ZNF385B: variants seen among roughly 807,000 people sequenced by gnomAD.
The protein encoded by ZNF385B is zinc finger protein 385B.
In ZNF385B, 23 loss-of-function variants were observed where a neutral mutation model predicts 39.2. The ratio of observed to expected loss-of-function variants is 0.59; its 90% CI spans 0.42 to 0.83. The LOEUF (loss-of-function observed/expected upper bound fraction) is 0.83, where lower values mean the gene tolerates loss of function less well. Among genes scored for constraint, ZNF385B ranks in the 40% least tolerant of loss-of-function variants. The pLI, the probability that ZNF385B is intolerant of heterozygous loss-of-function variation, is 0.00. For synonymous variants in ZNF385B, 205 were observed against 222.6 expected, an observed-to-expected ratio of 0.92 and a Z score of 0.70; for missense variants, 552 against 598.9, an observed-to-expected ratio of 0.92 and a Z score of 0.82.
intron 1 of ZNF385B, among the ~76,000 whole-genome samples, chr2:179,836,880 T>C (rs1708283708): frequency 6.6e-6 from 1 of 152,180 alleles, no homozygotes; most frequent in South Asian, 2.1e-4. Context: ...GGCCTTCCTG[T>C]CCTTGTAACA....
chr2:179,520,885 A>C (rs1358304604), intron 4 of ZNF385B, among the ~76,000 whole-genome samples: 1 of 152,216 alleles, frequency 6.6e-6, no homozygotes, highest in Non-Finnish European at 1.5e-5. Flanking sequence ...TTAAACAATA[A>C]ATCATAGAAA....
Position 179,605,913 on chromosome 2 carries a change from G to A in ZNF385B, c.299-60944C>T, listed in dbSNP as rs147034206. On this transcript the variant is annotated intron_variant, in intron 3 of 9. Transcript: ENST00000410066. Reference sequence around the variant, plus strand: ...TTTCACAGAGATAGTAACCTGAGACGTAAGAAATTTAAGGTGAACATTAAT... The same window carrying A: ...TTTCACAGAGATAGTAACCTGAGACATAAGAAATTTAAGGTGAACATTAAT... Among the ~76,000 whole-genome samples, 10 of 152,236 alleles carry A rather than the reference G, an allele frequency of 6.6e-5. No homozygotes were observed. The East Asian group carries it at 9.7e-4, about 15-fold the overall frequency.
In ZNF385B at chr2:179,658,413, T is replaced by C. The variant is rs189996873; in HGVS notation, c.298+111090A>G. On this transcript the variant is annotated intron_variant, in intron 3 of 9. Coordinates refer to ENST00000410066, the MANE Select transcript of ZNF385B (RefSeq NM_152520.6). ...CAGTGTTGCCAATATCACAGGATAA[T>C]GGAAGCCAAGAAGGCAGAAGTGGAT... is the stretch of plus-strand genomic sequence containing the variant. Among the ~76,000 whole-genome samples, 395 of 152,284 alleles carry C rather than the reference T, an allele frequency of 2.6e-3. 4 individuals carry two copies. Among genetic ancestry groups the C allele is most frequent in the African/African-American group, 9.2e-3 (381 of 41,562 alleles).
At chr2:179,514,045 AT>A (rs1449018403) in intron 5 of ZNF385B, 1 of 152,194 alleles carries the variant, frequency 6.6e-6, no homozygotes, top group Admixed American at 6.6e-5. Flanking sequence ...TTCATCACAA[AT>A]TTTTATAAAC....
Position 179,532,437 on chromosome 2 carries a change from A to G in ZNF385B, c.441+12390T>C, listed in dbSNP as rs569471849. Among the ~76,000 whole-genome samples the G allele has an allele frequency of 1.3e-3, 200 of 152,308 alleles. 1 individual carries two copies. The highest frequency in any genetic ancestry group is 4.5e-3 in the African/African-American group (189 of 41,566). On this transcript the variant is annotated intron_variant, in intron 4 of 9. Transcript: ENST00000410066. ...AATCAAACAATGAAGAGAAACCTAC[A>G]TGAACCACGTAGCAAGTTGTCATGA...
At chr2:179,493,788 T>C (rs929890210) in intron 5 of ZNF385B, among the ~76,000 whole-genome samples, 7 of 146,136 alleles carry the variant, frequency 4.8e-5, no homozygotes, top group South Asian at 2.1e-4. Context: ...TATACACATA[T>C]GTATACATAT....
At chr2:179,571,079 T>C (rs1685157174) in intron 3 of ZNF385B, among the ~76,000 whole-genome samples, 1 of 152,230 alleles carries the variant, frequency 6.6e-6, no homozygotes, top group South Asian at 2.1e-4. Context: ...TATAGTGATA[T>C]TACATGCATA....
intron 1 of ZNF385B, among the ~76,000 whole-genome samples, chr2:179,779,084 T>G (rs1194765802): frequency 6.6e-6 from 1 of 152,220 alleles, no homozygotes; most frequent in African/African-American, 2.4e-5. Flanking sequence ...TCAATTTCAT[T>G]AACAAGAAGT....
intron 3 of ZNF385B, among the ~76,000 whole-genome samples, chr2:179,706,387 A>C (rs765362919): frequency 2.0e-5 from 3 of 152,206 alleles, no homozygotes; most frequent in Non-Finnish European, 2.9e-5. Flanking sequence ...CCTCTTGACC[A>C]TGGTGCCATC....
intron 6 of ZNF385B, 64 bp from the exon 7 acceptor site, chr2:179,446,834 C>A (rs2049548967): frequency 6.6e-7 from 1 of 1,504,024 alleles, no homozygotes; most frequent in Middle Eastern, 1.8e-4. Flanking sequence ...GATAAATCAC[C>A]ATAGATGAAT....
chr2:179,801,260 A>T (rs1466899914), intron 1 of ZNF385B, among the ~76,000 whole-genome samples: 1 of 152,072 alleles, frequency 6.6e-6, no homozygotes, highest in Non-Finnish European at 1.5e-5. Context: ...CCAAGGAGTG[A>T]TTATATGAAC....
chr2:179,720,416 G>T (rs1446728169), intron 3 of ZNF385B, among the ~76,000 whole-genome samples: 1 of 135,394 alleles, frequency 7.4e-6, no homozygotes, highest in Admixed American at 7.4e-5. Flanking sequence ...AGGGGAGGAG[G>T]GGAGGGGAAA....
chr2:179,726,783 T>C (rs1701048885), intron 3 of ZNF385B, among the ~76,000 whole-genome samples: 1 of 152,090 alleles, frequency 6.6e-6, no homozygotes, highest in Non-Finnish European at 1.5e-5. Context: ...CATTTGTGCT[T>C]TACACATCTA....
At chr2:179,683,482 T>TA (rs1196017440) in intron 3 of ZNF385B, among the ~76,000 whole-genome samples, 21 of 151,988 alleles carry the variant, frequency 1.4e-4, no homozygotes, top group African/African-American at 5.1e-4. Context: ...TTTGAATTTT[T>TA]TTTTTTTTTT....
chr2:179,677,572 C>T (rs1401451615), intron 3 of ZNF385B, among the ~76,000 whole-genome samples: 1 of 152,082 alleles, frequency 6.6e-6, no homozygotes, highest in Non-Finnish European at 1.5e-5. Context: ...TCTAGTGTTA[C>T]AATGGTAAAT....
chr2:179,512,534 G>A (rs1281547920), intron 5 of ZNF385B, among the ~76,000 whole-genome samples: 1 of 152,148 alleles, frequency 6.6e-6, no homozygotes, highest in Non-Finnish European at 1.5e-5. Context: ...CCCCGGCAAA[G>A]CTTAACTTTG....
intron 1 of ZNF385B, among the ~76,000 whole-genome samples, chr2:179,844,806 T>G (rs922399278): frequency 6.6e-6 from 1 of 152,160 alleles, no homozygotes; most frequent in Non-Finnish European, 1.5e-5. Context: ...TCTATCACTC[T>G]CAGAACTTGA....
At chr2:179,642,620 A>G (rs916923188) in intron 3 of ZNF385B, among the ~76,000 whole-genome samples, 1 of 152,188 alleles carries the variant, frequency 6.6e-6, no homozygotes, top group Non-Finnish European at 1.5e-5. Context: ...TTTCATAATA[A>G]CACTGTTTTT....
At chr2:179,647,798 A>C (rs1166507545) in intron 3 of ZNF385B, among the ~76,000 whole-genome samples, 1 of 152,204 alleles carries the variant, frequency 6.6e-6, no homozygotes, top group Non-Finnish European at 1.5e-5. Flanking sequence ...AGGTGGTCTA[A>C]GCCACTTTTT....
Sources: gnomAD v4.1 joint callset for allele counts (sites outside exome capture counted in the v4.1 genomes callset) on GRCh38, gnomAD v4.1.1 for gene constraint, MANE v1.5 for transcripts, NCBI Gene and HGNC (gene_info 2026-07-23, HGNC 2026-07-21) for gene names.